INCA1: variants seen among roughly 807,000 people sequenced by gnomAD.
INCA1 encodes the protein protein INCA1.
In INCA1, 28 loss-of-function variants were observed where a neutral mutation model predicts 25.7. The ratio of observed to expected loss-of-function variants is 1.09; its 90% CI spans 0.81 to 1.49. The LOEUF (loss-of-function observed/expected upper bound fraction) is 1.49, where lower values mean the gene tolerates loss of function less well. Among genes scored for constraint, INCA1 ranks in the 40% most tolerant of loss-of-function variants. The pLI is 0.00. For missense variants in INCA1, 309 were observed against 290.9 expected (o/e 1.06, Z -0.45); for synonymous variants, 111 against 103.6 (o/e 1.07, Z -0.43).
chr17:4,995,904 C>T (rs1472734546), intron 1 of INCA1: 1 of 152,144 alleles, frequency 6.6e-6, no homozygotes, highest in African/African-American at 2.4e-5. Context: ...GCACTCCAGT[C>T]TGTGCAACAA....
intron 2 of INCA1, among the ~76,000 whole-genome samples, chr17:4,993,513 G>T (rs1567711895): frequency 6.6e-6 from 1 of 151,450 alleles, no homozygotes; most frequent in African/African-American, 2.4e-5. Context: ...TTGTCACTCA[G>T]GCTGGAGTGC....
At chr17:4,989,233 T>C (rs1973635471) in intron 5 of INCA1, among the ~76,000 whole-genome samples, 195 bp downstream of exon 5, 1 of 152,166 alleles carries the variant, frequency 6.6e-6, no homozygotes, top group South Asian at 2.1e-4. Context: ...TCCTCCTTAC[T>C]GCAGTTCCCT....
intron 2 of INCA1, among the ~76,000 whole-genome samples, chr17:4,992,638 TTCCCC>T (rs1025766429): frequency 1.1e-4 from 14 of 126,286 alleles, no homozygotes; most frequent in African/African-American, 2.7e-4. Flanking sequence ...CTCTCCTCCC[TTCCCC>T]TCCCCTCCCC....
exon 7 of INCA1, chr17:4,988,213 T>G (rs2143136791): frequency 1.9e-6 from 1 of 531,556 alleles, no homozygotes; most frequent in Non-Finnish European, 3.2e-6. Flanking sequence ...CTTGGGGTGC[T>G]CCTGTGAGAG....
exon 4 of INCA1, chr17:4,989,902 A>G: frequency 6.2e-7 from 1 of 1,614,194 alleles, no homozygotes. Context: ...GCATGGGTGG[A>G]ATGTGCTGCT....
intron 1 of INCA1, chr17:4,995,873 GTGAGT>G (rs1974207658): frequency 6.6e-6 from 1 of 152,298 alleles, no homozygotes. Flanking sequence ...AGAGGTTGCG[GTGAGT>G]TGAGATCGCG....
At chr17:4,991,075 C>A (rs1482975104) in intron 2 of INCA1, among the ~76,000 whole-genome samples, 1 of 151,564 alleles carries the variant, frequency 6.6e-6, no homozygotes, top group African/African-American at 2.4e-5. Context: ...CCCACTACCA[C>A]GCCCGGCCAA....
rs1974083495 is a variant in INCA1 at position 4,994,383 on chromosome 17, G to A, written c.44+11C>T. 1 of 1,613,408 alleles carries A rather than the reference G, an allele frequency of 6.2e-7. No homozygotes were observed. Among genetic ancestry groups the A allele is most frequent in the East Asian group, 2.2e-5 (1 of 44,850 alleles). Reference sequence around the variant, plus strand: ...CCATCCCCATGCTCCCCACCCAGTGGGAGGACTCACTTGGCAAAGGGGATG... The same window carrying A: ...CCATCCCCATGCTCCCCACCCAGTGAGAGGACTCACTTGGCAAAGGGGATG... On this transcript the variant is annotated intron_variant, in intron 2 of 6. Transcript: ENST00000576820.
At chr17:4,993,494 A>C (rs1413656164) in intron 2 of INCA1, among the ~76,000 whole-genome samples, 1 of 150,050 alleles carries the variant, frequency 6.7e-6, no homozygotes, top group Non-Finnish European at 1.5e-5. Flanking sequence ...TTTGAGACGG[A>C]GTCTCGCTTT....
At chr17:4,990,035 T>C (rs1369193416) in intron 3 of INCA1, 106 bp from the exon 4 acceptor site, 3 of 1,611,978 alleles carry the variant, frequency 1.9e-6, no homozygotes, top group Non-Finnish European at 2.5e-6. Context: ...GGAGCTACAA[T>C]GTCCACCAGC....
At chr17:4,996,211 C>A (rs79516762) in intron 1 of INCA1, among the ~76,000 whole-genome samples, 5 of 151,224 alleles carry the variant, frequency 3.3e-5, no homozygotes, top group Non-Finnish European at 4.4e-5. Context: ...ATGGCGAAAC[C>A]CCCTCTTTAC....
At chr17:4,989,781 A>G (rs764080028) in intron 4 of INCA1, 109 bp downstream of exon 4, 5 of 1,572,916 alleles carry the variant, frequency 3.2e-6, no homozygotes, top group Non-Finnish European at 4.4e-6. Flanking sequence ...TGGTCAGTGC[A>G]CTGGTTGGGG....
At chr17:4,990,240 G>A in exon 3 of INCA1, 1 of 1,613,898 alleles carries the variant, frequency 6.2e-7, no homozygotes, top group South Asian at 1.1e-5. Context: ...CTTGGGGGTG[G>A]AGATCGGCTG....
chr17:4,997,388 G>A (rs983897103), upstream of INCA1: 9 of 152,310 alleles, frequency 5.9e-5, no homozygotes, highest in African/African-American at 2.2e-4. Context: ...GGGCCTGAAG[G>A]GGTTGTTTGG....
At chr17:4,988,816 T>G in exon 6 of INCA1, 1 of 1,614,222 alleles carries the variant, frequency 6.2e-7, no homozygotes, top group Non-Finnish European at 8.5e-7. Context: ...GTCCTCTTCC[T>G]GTGGATAGGT....
exon 3 of INCA1, chr17:4,990,217 C>A: frequency 6.2e-7 from 1 of 1,614,180 alleles, no homozygotes; most frequent in Non-Finnish European, 8.5e-7. Flanking sequence ...GTCTGAGGCT[C>A]TGGGAAGGCA....
exon 6 of INCA1, chr17:4,988,864 C>G: frequency 6.2e-7 from 1 of 1,614,252 alleles, no homozygotes. Flanking sequence ...TTCATTGGTG[C>G]TGGGGAATCC....
chr17:4,996,527 C>T (rs1974279217), intron 1 of INCA1, among the ~76,000 whole-genome samples: 1 of 151,372 alleles, frequency 6.6e-6, no homozygotes, highest in African/African-American at 2.4e-5. Context: ...ACTAAAAATA[C>T]AAAAATTAGC....
At chr17:4,988,497 G>A (rs2143143174) in exon 7 of INCA1, 2 of 1,614,154 alleles carry the variant, frequency 1.2e-6, no homozygotes, top group Non-Finnish European at 1.7e-6. Context: ...AGAGAGTGCA[G>A]CTGCCTGGAG....
Sources: gnomAD v4.1 joint callset for allele counts (sites outside exome capture counted in the v4.1 genomes callset) on GRCh38, gnomAD v4.1.1 for gene constraint, MANE v1.5 for transcripts, NCBI Gene and HGNC (gene_info 2026-07-23, HGNC 2026-07-21) for gene names.